Variants in MOV10L1 observed in about 807,000 individuals in gnomAD.
MOV10L1 encodes RNA helicase Mov10l1.
A neutral mutation model predicts 143.8 loss-of-function variants in MOV10L1; 110 were observed. The ratio of observed to expected loss-of-function variants is 0.76; its 90% CI spans 0.66 to 0.90. The LOEUF (loss-of-function observed/expected upper bound fraction) is 0.90, where lower values mean the gene tolerates loss of function less well. Ranked by LOEUF, MOV10L1 falls within the 40% of genes least tolerant of loss-of-function variation. The pLI is 0.00. For synonymous variants in MOV10L1, 593 were observed against 581.1 expected (o/e 1.02, Z -0.29); for missense variants, 1,406 against 1,526.8 (o/e 0.92, Z 1.32).
intron 18 of MOV10L1, 60 bp from the exon 19 acceptor site, chr22:50,145,628 CT>C: frequency 6.3e-7 from 1 of 1,599,372 alleles, no homozygotes. Flanking sequence ...GCAAGGTTCC[CT>C]TTTGGAATTC....
intron 3 of MOV10L1, among the ~76,000 whole-genome samples, chr22:50,100,636 C>T (rs1464705881): frequency 6.6e-6 from 1 of 152,098 alleles, no homozygotes; most frequent in Admixed American, 6.6e-5. Context: ...GCCTCAGCCT[C>T]CTGAGACTAC....
In MOV10L1 at chr22:50,108,120, T is replaced by C. The variant is rs2147103458; in HGVS notation, c.443-16T>C. The C allele has an allele frequency of 6.2e-7, 1 of 1,611,638 alleles. No homozygotes were observed. The highest frequency in any genetic ancestry group is 1.3e-5 in the African/African-American group (1 of 74,998). ...GCACTTTAACACTACCATGGCTTTT[T>C]TCCTGGCGGTTTTAGGCTTCGAGCC... On this transcript the variant is annotated splice_polypyrimidine_tract_variant and intron_variant, in intron 3 of 26. Transcript: ENST00000262794.
At chr22:50,095,111 C>T (rs968023468) in intron 2 of MOV10L1, 4 of 152,184 alleles carry the variant, frequency 2.6e-5, no homozygotes, top group Non-Finnish European at 5.9e-5. Flanking sequence ...CTAGTGACTA[C>T]CAAATTGGGC....
chr22:50,134,636 G>A lies in MOV10L1; in HGVS notation c.2070+6G>A. On this transcript the variant is annotated splice_donor_region_variant and intron_variant, in intron 15 of 26. Coordinates refer to ENST00000262794, the MANE Select transcript of MOV10L1 (RefSeq NM_018995.3). Reference sequence around the variant, plus strand: ...GACAGTCCACCAGCAAAAAGGTAGTGCTCAGCAATGTGGCTTTCTCTACAC... The same window carrying A: ...GACAGTCCACCAGCAAAAAGGTAGTACTCAGCAATGTGGCTTTCTCTACAC... 1.2e-6 allele frequency: 2 copies of A among 1,613,478 alleles called. No homozygotes were observed. The highest frequency in any genetic ancestry group is 2.2e-5 in the East Asian group (1 of 44,888).
intron 22 of MOV10L1, among the ~76,000 whole-genome samples, chr22:50,154,159 C>T (rs1041612788): frequency 3.9e-5 from 6 of 152,134 alleles, no homozygotes; most frequent in Admixed American, 2.6e-4. Context: ...GAGCTGGACA[C>T]CTCCAGACAT....
At position 50,122,798 on chromosome 22, in the gene MOV10L1, T is replaced by TTTA. The variant is rs375010919; in HGVS notation, c.1569+2184_1569+2185insATT. Among the ~76,000 whole-genome samples, 80 of 42,020 alleles carry TTTA rather than the reference T, an allele frequency of 1.9e-3. 1 individual carries two copies. The highest frequency in any genetic ancestry group is 2.3e-3 in the African/African-American group (42 of 18,138). 27.6% of individuals were successfully genotyped at this position (42,020 alleles called of 152,430 possible). A position where few individuals can be genotyped will look rare whatever the true frequency, so the allele number is the denominator to read the frequency against. On this transcript the variant is annotated intron_variant, in intron 10 of 26. Transcript: ENST00000262794. ...TTTTATTTATTTATTTATTTATTTATTTTTGAGACAGGCTCTCCTGTCGCC... is the reference window on the plus strand; with the variant it reads ...TTTTATTTATTTATTTATTTATTTATTTATTTTGAGACAGGCTCTCCTGTCGCC...
intron 3 of MOV10L1, among the ~76,000 whole-genome samples, chr22:50,105,522 A>G (rs1023536774): frequency 7.2e-5 from 11 of 152,140 alleles, no homozygotes; most frequent in East Asian, 1.9e-4. Context: ...TATTTCCTCC[A>G]TTGTTTTTCC....
At position 50,142,177 on chromosome 22, in the gene MOV10L1, A is replaced by T; in HGVS notation, c.2167A>T (p.Met723Leu). ...GGTGCTGGCACCCTTTACTGCAGAGATGAGCGATTGGGGTATGTGCTCATG... is the reference window on the plus strand; with the variant it reads ...GGTGCTGGCACCCTTTACTGCAGAGTTGAGCGATTGGGGTATGTGCTCATG... Reference protein sequence around the residue: ...LPVLAPFTAEMSDWVDEIQTP... With the variant: ...LPVLAPFTAELSDWVDEIQTP... The change falls in exon 16 of 27, where the codon ATG (methionine) becomes TTG (leucine). Residue 723 changes from methionine (M) to leucine (L), a missense_variant. Physicochemically the swap from Met to Leu is conservative, Grantham distance 15. Coordinates refer to ENST00000262794, the MANE Select transcript of MOV10L1 (RefSeq NM_018995.3). The T allele has an allele frequency of 3.7e-6, 6 of 1,612,362 alleles. No individual in the cohort carries two copies. The highest frequency in any genetic ancestry group is 5.1e-6 in the Non-Finnish European group (6 of 1,179,182).
At chr22:50,138,396 A>G (rs2062892267) in intron 15 of MOV10L1, among the ~76,000 whole-genome samples, 1 of 152,064 alleles carries the variant, frequency 6.6e-6, no homozygotes, top group African/African-American at 2.4e-5. Flanking sequence ...TCTATTTTTA[A>G]AAAGTTTAAA....
intron 3 of MOV10L1, 95 bp downstream of exon 3, chr22:50,099,697 C>T: frequency 7.1e-7 from 1 of 1,409,906 alleles, no homozygotes; most frequent in Non-Finnish European, 9.6e-7. Context: ...CCTATAATCC[C>T]AGCACTTTGT....
chr22:50,135,744 C>T lies in MOV10L1; in HGVS notation c.2070+1114C>T, dbSNP rs1359249731. Among the ~76,000 whole-genome samples the T allele has an allele frequency of 7.4e-5, 11 of 148,280 alleles. No homozygotes were observed. In the East Asian group the frequency reaches 7.9e-4, roughly 11 times the overall value. ...CCAGCCTGGGCAATAGAGCGAGACT[C>T]CATCTCAAAAAAAAAAAAAAAAAGC... On this transcript the variant is annotated intron_variant, in intron 15 of 26. Transcript: ENST00000262794.
Position 50,092,156 on chromosome 22 carries a change from A to C in MOV10L1, c.253A>C (p.Lys85Gln). 1 of 1,614,184 alleles carries C rather than the reference A, an allele frequency of 6.2e-7. No individual in the cohort carries two copies. Among genetic ancestry groups the C allele is most frequent in the South Asian group, 1.1e-5 (1 of 91,084 alleles). ...QEVIAVVEEN[K>Q]VSNGLKAIRV... is the part of the protein sequence containing the mutation. The stretch of plus-strand genomic sequence containing the variant: ...AGTGATTGCAGTTGTGGAAGAAAAT[A>C]AAGTGTCCAATGGACTGAAAGCAAT... Residue 85 changes from lysine to glutamine, a missense_variant, in exon 2 of 27, where the codon AAA becomes CAA. By Grantham distance (53) the Lys-to-Gln change is moderately conservative. Around this residue, in one of 3 missense-constraint regions of MOV10L1, gnomAD observed 166 missense variants for 153.9 expected, o/e 1.08. Transcript: ENST00000262794.
chr22:50,126,807 A>G (rs564051591), intron 12 of MOV10L1, among the ~76,000 whole-genome samples: 1 of 152,308 alleles, frequency 6.6e-6, no homozygotes, highest in East Asian at 1.9e-4. Context: ...ACATTACTTA[A>G]TGTAGAAAAC....
intron 1 of MOV10L1, chr22:50,090,873 G>A (rs1029670797): frequency 3.6e-5 from 10 of 278,238 alleles, no homozygotes; most frequent in Admixed American, 2.4e-4. Context: ...GGGGGGGTTC[G>A]CCATGTTGGT....
At chr22:50,132,760 T>G (rs961871010) in intron 13 of MOV10L1, among the ~76,000 whole-genome samples, 2 of 152,188 alleles carry the variant, frequency 1.3e-5, no homozygotes, top group African/African-American at 4.8e-5. Flanking sequence ...TTAGGTTGGG[T>G]GTGGTGGTTC....
chr22:50,159,248 A>G lies in MOV10L1; in HGVS notation c.3217-430A>G, dbSNP rs2063497479. Reference sequence around the variant, plus strand: ...TCAGATTAGAAGAAAGCAATAAAGAATTAAAAAACAATATTGCACCTTGGC... The same window carrying G: ...TCAGATTAGAAGAAAGCAATAAAGAGTTAAAAAACAATATTGCACCTTGGC... On this transcript the variant is annotated intron_variant, in intron 23 of 26. Transcript: ENST00000262794. This position sits in a 1 kb window ranked among gnomAD's most constrained non-coding sequence, Gnocchi z 4.1. 1 of 152,472 alleles carries G rather than the reference A, an allele frequency of 6.6e-6. No homozygotes were observed. The highest frequency in any genetic ancestry group is 2.4e-5 in the African/African-American group (1 of 41,470). 9.4% of individuals were successfully genotyped at this position (152,472 alleles called of 1,614,324 possible).
intron 8 of MOV10L1, among the ~76,000 whole-genome samples, chr22:50,116,677 T>C (rs75974671): frequency 1.1e-4 from 16 of 147,788 alleles, no homozygotes; most frequent in African/African-American, 4.0e-4. Context: ...TTTTTTTTTT[T>C]TTTTTTGAGA....
chr22:50,108,489 C>T (rs2061935052), intron 4 of MOV10L1, 168 bp from the exon 5 acceptor site: 1 of 779,866 alleles, frequency 1.3e-6, no homozygotes, highest in Non-Finnish European at 2.1e-6. Context: ...CTAAAATGTT[C>T]TAAGGAGAAA....
Position 50,143,024 on chromosome 22 carries a change from T to A in MOV10L1, c.2180-19T>A, listed in dbSNP as rs775354404. ...GAGCTGTTTGCATCTAACTGAAACT[T>A]TCTTCACTTTGAATACAGTAGATGA... is the stretch of plus-strand genomic sequence containing the variant. On this transcript the variant is annotated intron_variant, in intron 16 of 26. Coordinates refer to ENST00000262794, the MANE Select transcript of MOV10L1 (RefSeq NM_018995.3). The A allele has an allele frequency of 3.7e-6, 6 of 1,610,964 alleles. No homozygotes were observed. In the African/African-American group the frequency reaches 8.0e-5, roughly 22 times the overall value.
Sources: allele counts gnomAD v4.1 joint callset (sites outside exome capture counted in the v4.1 genomes callset), GRCh38; gene constraint gnomAD v4.1.1; regional missense constraint gnomAD v4.1.1; non-coding constraint Gnocchi (gnomAD v3.1); transcripts MANE v1.5; gene names NCBI Gene and HGNC (gene_info 2026-07-23, HGNC 2026-07-21).